GRAMD1A: variants seen among roughly 807,000 people sequenced by gnomAD.
The protein encoded by GRAMD1A is protein Aster-A.
Under a neutral mutation model 92.0 loss-of-function variants are expected in GRAMD1A, and 50 were observed. The observed-to-expected ratio is 0.54, with a 90% confidence interval of 0.43 to 0.69. GRAMD1A has a LOEUF of 0.69. GRAMD1A is among the 30% of genes least tolerant of loss of function. The pLI is 0.00. For missense variants in GRAMD1A, 819 were observed against 978.9 expected, an observed-to-expected ratio of 0.84 and a Z score of 2.18; for synonymous variants, 405 against 403.6, an observed-to-expected ratio of 1.00 and a Z score of -0.04.
chr19:34,999,130 G>A (rs115990160), upstream of GRAMD1A, among the ~76,000 whole-genome samples: 273 of 152,258 alleles, frequency 1.8e-3, no homozygotes, highest in African/African-American at 6.5e-3. Context: ...AGATCAGGCA[G>A]GAGAGGATGG....
rs189935445 is a variant in GRAMD1A at position 35,012,220 on chromosome 19, C to T, written c.606+666C>T. 1.1e-3 allele frequency among the ~76,000 whole-genome samples: 168 copies of T among 152,322 alleles called. 1 individual carries two copies. Among genetic ancestry groups the T allele is most frequent in the Admixed American group, 2.7e-3 (42 of 15,302 alleles). On this transcript the variant is annotated intron_variant, in intron 7 of 19. Coordinates refer to ENST00000317991, the MANE Select transcript of GRAMD1A (RefSeq NM_020895.5). ...CTCCCTCGCCACCCCCTCTGCCCCC[C>T]GGCTGTAGACCAGCTCCCCTGGGGT...
rs773151903 is a variant in GRAMD1A at position 35,009,489 on chromosome 19, G to C, written c.240+46G>C. 3.1e-6 allele frequency: 5 copies of C among 1,606,782 alleles called. No homozygotes were observed. The African/African-American group carries it at 6.7e-5, about 21-fold the overall frequency. On this transcript the variant is annotated intron_variant, in intron 3 of 19. Transcript: ENST00000317991. ...CTTGCTGGAGGGCTGGGAGGACCGGGTGCTGGGCCAGGAGCCCCAGGCTGC... is the reference window on the plus strand; with the variant it reads ...CTTGCTGGAGGGCTGGGAGGACCGGCTGCTGGGCCAGGAGCCCCAGGCTGC...
rs1216483896 is a variant in GRAMD1A, at chr19:35,010,452, C to G, written c.525+73C>G. 6.2e-6 allele frequency: 6 copies of G among 974,524 alleles called. No individual in the cohort carries two copies. The South Asian group carries it at 6.5e-5, about 11-fold the overall frequency. The allele number at this position is 974,524 out of a possible 1,614,324, so 60.4% of individuals were successfully genotyped here. On this transcript the variant is annotated intron_variant, in intron 6 of 19. Coordinates refer to ENST00000317991, the MANE Select transcript of GRAMD1A (RefSeq NM_020895.5). ...GCCGCCTCCCCCAAACATGCAAAGC[C>G]CCATTTGTTCTGCACCCTGAGTTCT...
At position 35,000,949 on chromosome 19, in the gene GRAMD1A, C is replaced by A. The variant is rs559981580; in HGVS notation, c.8+463C>A. On this transcript the variant is annotated intron_variant, in intron 1 of 19. Coordinates refer to ENST00000317991, the MANE Select transcript of GRAMD1A (RefSeq NM_020895.5). This position sits in a 1 kb window ranked among gnomAD's most constrained non-coding sequence, Gnocchi z 4.9. ...AGTAGGCAGCCCCCTCCTGCCTGGG[C>A]CCCCTCCCACCGTCCTTGGCTGTTG... 3.6e-4 allele frequency among the ~76,000 whole-genome samples: 54 copies of A among 152,040 alleles called. No individual in the cohort carries two copies. The highest frequency in any genetic ancestry group is 7.2e-4 in the Non-Finnish European group (49 of 67,968).
chr19:35,014,169 CA>C lies in GRAMD1A; in HGVS notation c.871-19del. The C allele has an allele frequency of 6.2e-7, 1 of 1,607,928 alleles. No homozygotes were observed. Among genetic ancestry groups the C allele is most frequent in the Non-Finnish European group, 8.5e-7 (1 of 1,175,860 alleles). ...GCTGGGATGGAGGTGGCCAAGGCTG[CA>C]TCGGGCCTTTCTCCACAGGCAGAGG... is the stretch of plus-strand genomic sequence containing the variant. On this transcript the variant is annotated intron_variant, in intron 9 of 19. Transcript: ENST00000317991.
chr19:35,023,432 TC>T lies in GRAMD1A; in HGVS notation c.1972del (p.Gln658ArgfsTer38). ...WHSLALAKGK[F>X]PQTATEWAEI... Reference sequence around the variant, plus strand: ...CAGGCCTGGCATCCCCACAGCAAGTTCCCCCAGACGGCCACAGAGTGGGCCG... The same window carrying T: ...CAGGCCTGGCATCCCCACAGCAAGTTCCCCAGACGGCCACAGAGTGGGCCG... On this transcript the variant is annotated frameshift_variant, in exon 19 of 20. Transcript: ENST00000317991. LOFTEE classifies it high-confidence loss of function. 2.5e-6 allele frequency: 4 copies of T among 1,592,732 alleles called. No individual in the cohort carries two copies. Among genetic ancestry groups the T allele is most frequent in the East Asian group, 2.2e-5 (1 of 44,524 alleles).
Position 35,021,377 on chromosome 19 carries a change from G to A in GRAMD1A, c.1476-125G>A. 2 of 720,842 alleles carry A rather than the reference G, an allele frequency of 2.8e-6. No individual in the cohort carries two copies. The highest frequency in any genetic ancestry group is 2.5e-6 in the Non-Finnish European group (1 of 407,470). 44.7% of individuals were successfully genotyped at this position (720,842 alleles called of 1,614,324 possible). On this transcript the variant is annotated intron_variant, in intron 13 of 19. Coordinates refer to ENST00000317991, the MANE Select transcript of GRAMD1A (RefSeq NM_020895.5). This position sits in a 1 kb window ranked among gnomAD's most constrained non-coding sequence, Gnocchi z 5.3. ...GCCATGGGGGGTAGGGAACCCATCT[G>A]TTTTGTCTGTGAGTGACAAGGGGCC...
At chr19:35,014,134 G>A in intron 9 of GRAMD1A, 55 bp from the exon 10 acceptor site, 1 of 1,500,514 alleles carries the variant, frequency 6.7e-7, no homozygotes, top group East Asian at 2.3e-5. Flanking sequence ...GTGGACTTGG[G>A]AGCCCTGGGG....
At chr19:35,014,504 G>T in intron 10 of GRAMD1A, 117 bp downstream of exon 10, 1 of 841,890 alleles carries the variant, frequency 1.2e-6, no homozygotes, top group East Asian at 2.6e-5. Context: ...GCGGGATGGC[G>T]TTCAGGCGCT....
chr19:35,013,356 T>C lies in GRAMD1A; in HGVS notation c.707T>C (p.Leu236Pro). Residue 236 changes from leucine (L) to proline (P), a missense_variant, in exon 8 of 20, where the codon CTG becomes CCG. Coordinates refer to ENST00000317991, the MANE Select transcript of GRAMD1A (RefSeq NM_020895.5). This position sits in a 1 kb window ranked among gnomAD's most constrained non-coding sequence, Gnocchi z 4.9. ...GAGGACTATGTCTCCCCCTTGCAGC[T>C]GAACGGTCTGGGGTGAGTTGGAGGT... Reference protein sequence around the residue: ...EDEDYVSPLQLNGLGTPKEVG... With the variant: ...EDEDYVSPLQPNGLGTPKEVG... The C allele has an allele frequency of 1.3e-6, 2 of 1,554,858 alleles. No individual in the cohort carries two copies. The highest frequency in any genetic ancestry group is 1.7e-6 in the Non-Finnish European group (2 of 1,146,590).
At position 35,022,054 on chromosome 19, in the gene GRAMD1A, G is replaced by C. The variant is rs758469920; in HGVS notation, c.1841+16G>C. 6.3e-7 allele frequency: 1 copy of C among 1,594,418 alleles called. No individual in the cohort carries two copies. The highest frequency in any genetic ancestry group is 8.6e-7 in the Non-Finnish European group (1 of 1,163,144). Reference sequence around the variant, plus strand: ...TCAGCATTGTGTGAGTAAGAGACAGGAGCAGTGGCCACACAGGCCTGAACC... The same window carrying C: ...TCAGCATTGTGTGAGTAAGAGACAGCAGCAGTGGCCACACAGGCCTGAACC... On this transcript the variant is annotated intron_variant, in intron 16 of 19. Transcript: ENST00000317991.
chr19:35,008,320 G>GATT (rs2014971815), intron 1 of GRAMD1A, among the ~76,000 whole-genome samples: 1 of 151,972 alleles, frequency 6.6e-6, no homozygotes, highest in Admixed American at 6.6e-5. Flanking sequence ...CAGAGTGAGA[G>GATT]ATTCCGTCTT....
intron 1 of GRAMD1A, among the ~76,000 whole-genome samples, chr19:35,006,285 G>A (rs946525184): frequency 1.3e-5 from 2 of 152,152 alleles, no homozygotes; most frequent in Admixed American, 1.3e-4. Flanking sequence ...TAGTGCCACT[G>A]CACTCCAGCC....
upstream of GRAMD1A, chr19:34,996,116 C>A: frequency 1.3e-6 from 2 of 1,536,098 alleles, no homozygotes; most frequent in South Asian, 2.4e-5. Flanking sequence ...GCAGCGGAAG[C>A]AGCAGCCACA....
chr19:35,014,490 G>T, intron 10 of GRAMD1A, 103 bp downstream of exon 10: 1 of 1,023,170 alleles, frequency 9.8e-7, no homozygotes, highest in Non-Finnish European at 1.5e-6. Context: ...GAATCCAGGG[G>T]CAGGCGGGAT....
Position 35,009,272 on chromosome 19 carries a change from G to T in GRAMD1A, c.162G>T (p.Val54=). Reference sequence around the variant, plus strand: ...ATAGCTCCTCAGAGAAGGGTGGGGTGCCTGGGACCCCCAGCACCCAGAGCC... The same window carrying T: ...ATAGCTCCTCAGAGAAGGGTGGGGTTCCTGGGACCCCCAGCACCCAGAGCC... ...GSDSSSEKGG[V]PGTPSTQSLG... The change falls in exon 2 of 20, where the codon GTG becomes GTT. Residue 54 remains valine (V), a synonymous_variant. Transcript: ENST00000317991. 1 of 1,614,046 alleles carries T rather than the reference G, an allele frequency of 6.2e-7. No homozygotes were observed. The highest frequency in any genetic ancestry group is 8.5e-7 in the Non-Finnish European group (1 of 1,179,930).
chr19:35,019,650 G>A, intron 13 of GRAMD1A, 117 bp downstream of exon 13: 1 of 988,510 alleles, frequency 1.0e-6, no homozygotes, highest in Non-Finnish European at 1.6e-6. Context: ...CAGAAGCGTG[G>A]GGTTCCTGAG....
At position 35,016,325 on chromosome 19, in the gene GRAMD1A, G is replaced by A. The variant is rs181956076; in HGVS notation, c.1213+358G>A. Among the ~76,000 whole-genome samples, 15 of 151,502 alleles carry A rather than the reference G, an allele frequency of 9.9e-5. No individual in the cohort carries two copies. The East Asian group carries it at 2.3e-3, about 24-fold the overall frequency. On this transcript the variant is annotated intron_variant, in intron 11 of 19. Transcript: ENST00000317991. Reference sequence around the variant, plus strand: ...TAAGAGGCTGAGGCGGGGCTGGTGCGGTGGTTCACACCTGTAATCCCAGCA... The same window carrying A: ...TAAGAGGCTGAGGCGGGGCTGGTGCAGTGGTTCACACCTGTAATCCCAGCA...
rs1317831688 is a variant in GRAMD1A at position 35,019,466 on chromosome 19, C to G, written c.1408C>G (p.Gln470Glu). Residue 470 changes from glutamine (Q) to glutamate (E), a missense_variant, in exon 13 of 20, where the codon CAG (glutamine) becomes GAG (glutamate). By Grantham distance (29) the Gln-to-Glu change is conservative. This residue lies in a region of GRAMD1A where 577 missense variants were observed against 674.6 expected (regional missense o/e 0.86). Transcript: ENST00000317991. ...SEVLTQGIPY[Q>E]DYFYTAHRYC... ...GGTGCTGACGCAGGGCATCCCCTAC[C>G]AGGACTACTTCTACACTGCCCACCG... 1 of 1,613,964 alleles carries G rather than the reference C, an allele frequency of 6.2e-7. No homozygotes were observed. Among genetic ancestry groups the G allele is most frequent in the South Asian group, 1.1e-5 (1 of 91,084 alleles).
Sources: allele counts gnomAD v4.1 joint callset (sites outside exome capture counted in the v4.1 genomes callset), GRCh38; gene constraint gnomAD v4.1.1; regional missense constraint gnomAD v4.1.1; non-coding constraint Gnocchi (gnomAD v3.1); transcripts MANE v1.5; gene names NCBI Gene and HGNC (gene_info 2026-07-23, HGNC 2026-07-21).